The following ARHGAP6 variants were observed in gnomAD, a reference collection of about 807,000 sequenced individuals.
ARHGAP6 encodes the protein Rho GTPase activating protein 6.
ARHGAP6 carries 16 observed loss-of-function variants against 55.7 expected under a neutral mutation model. The observed-to-expected ratio is 0.29, with a 90% CI of 0.19 to 0.44. The LOEUF is 0.44. ARHGAP6 is among the 20% of genes least tolerant of loss of function. The probability of loss-of-function intolerance (pLI) is 1.00; values close to 1 mark genes in which losing one functional copy is unlikely to be tolerated. For synonymous variants in ARHGAP6, 382 were observed against 360.9 expected, an observed-to-expected ratio of 1.06 and a Z score of -0.66; for missense variants, 698 against 808.9, an observed-to-expected ratio of 0.86 and a Z score of 1.66.
At chrX:11,607,672 G>A (rs5978450) in intron 1 of ARHGAP6, among the ~76,000 whole-genome samples, 12,829 of 111,920 alleles carry the variant, frequency 0.11, 719 homozygotes, top group Middle Eastern at 0.22. Context: ...AGCCGTGAAG[G>A]AATGTAATCA....
chrX:11,203,568 AG>A (rs2046664006), intron 2 of ARHGAP6, among the ~76,000 whole-genome samples: 1 of 111,791 alleles, frequency 8.9e-6, no homozygotes, highest in African/African-American at 3.3e-5. Context: ...TTCACTCTCA[AG>A]GAGAGCCTGT....
intron 1 of ARHGAP6, among the ~76,000 whole-genome samples, chrX:11,564,571 T>A: frequency 9.0e-6 from 1 of 111,395 alleles, no homozygotes; most frequent in Non-Finnish European, 1.9e-5. Context: ...TAAAATTTCT[T>A]AACAAAACCT....
chrX:11,220,439 A>T (rs1387440768), intron 2 of ARHGAP6, among the ~76,000 whole-genome samples: 12 of 111,806 alleles, frequency 1.1e-4, no homozygotes, highest in African/African-American at 3.9e-4. Flanking sequence ...ATCTCTCGGC[A>T]GAAACCCTAC....
Position 11,176,109 on chromosome X carries a change from G to A in ARHGAP6, c.1629+1991C>T, listed in dbSNP as rs1316566187. Among the ~76,000 whole-genome samples the A allele has an allele frequency of 5.0e-5, 5 of 100,040 alleles. No individual in the cohort carries two copies. In the East Asian group the frequency reaches 1.3e-3, roughly 27 times the overall value. The allele number at this position is 100,040 out of a possible 115,157, so 86.9% of individuals were successfully genotyped here. On this transcript the variant is annotated intron_variant, in intron 8 of 12. Transcript: ENST00000337414. ...TGTGAAATGCACTAATATGCCACTC[G>A]TACAACCTTAAGTGGAAGCTCTCTG...
chrX:11,170,387 C>T (rs1054419875), intron 8 of ARHGAP6, among the ~76,000 whole-genome samples: 2 of 111,906 alleles, frequency 1.8e-5, no homozygotes, highest in East Asian at 2.8e-4. Flanking sequence ...ATCTAAAATA[C>T]GTCATGGAGC....
chrX:11,428,509 C>G (rs781688889), intron 1 of ARHGAP6, among the ~76,000 whole-genome samples: 20 of 112,387 alleles, frequency 1.8e-4, no homozygotes, highest in Admixed American at 1.6e-3. Flanking sequence ...TTACGTCCAG[C>G]CTCCCACAAG....
At chrX:11,442,014 T>C (rs769685700) in intron 1 of ARHGAP6, among the ~76,000 whole-genome samples, 1 of 111,706 alleles carries the variant, frequency 9.0e-6, no homozygotes, top group South Asian at 3.7e-4. Flanking sequence ...AAATGAAAGA[T>C]TCTGGATAAT....
At chrX:11,604,046 T>C (rs375263433) in intron 1 of ARHGAP6, among the ~76,000 whole-genome samples, 2 of 111,564 alleles carry the variant, frequency 1.8e-5, no homozygotes, top group African/African-American at 6.5e-5. Context: ...AGTAAGTACC[T>C]GGAGCATGCT....
chrX:11,464,155 A>C (rs755981640), intron 1 of ARHGAP6, among the ~76,000 whole-genome samples: 7 of 112,422 alleles, frequency 6.2e-5, no homozygotes, highest in Admixed American at 9.4e-5. Context: ...GATATAATAT[A>C]AGAAGCATGC....
At chrX:11,425,549 A>C (rs985245487) in intron 1 of ARHGAP6, among the ~76,000 whole-genome samples, 15 of 111,816 alleles carry the variant, frequency 1.3e-4, no homozygotes, top group Non-Finnish European at 1.9e-5. Flanking sequence ...CTGGAATCCC[A>C]ACAAATTCCC....
intron 1 of ARHGAP6, among the ~76,000 whole-genome samples, chrX:11,512,095 G>A (rs5933892): frequency 0.02 from 2,272 of 111,477 alleles, 28 homozygotes; most frequent in Middle Eastern, 0.07. Context: ...CAAAGTGCTG[G>A]GATTACAGGT....
At chrX:11,581,263 C>T (rs1306233410) in intron 1 of ARHGAP6, among the ~76,000 whole-genome samples, 1 of 111,547 alleles carries the variant, frequency 9.0e-6, no homozygotes, top group Admixed American at 9.5e-5. Flanking sequence ...TGGCTATAAA[C>T]AAAAACATAA....
intron 1 of ARHGAP6, among the ~76,000 whole-genome samples, chrX:11,590,443 T>C (rs2051791390): frequency 2.2e-5 from 2 of 89,777 alleles, no homozygotes; most frequent in African/African-American, 9.5e-5. Context: ...TTTTAAAAAT[T>C]GTTGAATTAT....
intron 1 of ARHGAP6, among the ~76,000 whole-genome samples, chrX:11,344,482 G>A (rs969677276): frequency 7.4e-5 from 8 of 108,786 alleles, no homozygotes; most frequent in African/African-American, 2.7e-4. Flanking sequence ...AGACCAGCCT[G>A]GCTAACATGG....
intron 1 of ARHGAP6, among the ~76,000 whole-genome samples, chrX:11,263,779 G>T (rs769029924): frequency 9.0e-6 from 1 of 111,679 alleles, no homozygotes; most frequent in East Asian, 2.8e-4. Context: ...TCCCAGTTTT[G>T]CCACTTACTA....
At position 11,138,927 on chromosome X, in the gene ARHGAP6, C is replaced by A; in HGVS notation, c.2861G>T (p.Arg954Leu). 1 of 1,188,880 alleles carries A rather than the reference C, an allele frequency of 8.4e-7. No homozygotes were observed. The highest frequency in any genetic ancestry group is 1.1e-6 in the Non-Finnish European group (1 of 887,755). The change falls in exon 13 of 13, where the codon CGC (arginine) becomes CTC (leucine). Residue 954 changes from arginine (R) to leucine (L), a missense_variant. Physicochemically the swap from Arg to Leu is moderately radical, Grantham distance 102. Around this residue, in one of 3 missense-constraint regions of ARHGAP6, gnomAD observed 212 missense variants for 208.7 expected, o/e 1.02. Transcript: ENST00000337414. ...CGACAGGAGCTCCCAGATCTGCCAG[C>A]GCTCTCTCTGCCAGTCGAGCCAGCC... is the stretch of plus-strand genomic sequence containing the variant. ...DAGWLDWQRERWQIWELLSTD... is the reference protein window; with the variant it reads ...DAGWLDWQRELWQIWELLSTD...
chrX:11,552,571 T>C (rs1313033971), intron 1 of ARHGAP6, among the ~76,000 whole-genome samples: 1 of 54,903 alleles, frequency 1.8e-5, no homozygotes, highest in East Asian at 4.8e-4. Context: ...TATATATATA[T>C]ATATATATAT....
intron 1 of ARHGAP6, among the ~76,000 whole-genome samples, chrX:11,354,327 C>CTCTCTATATATATATATA (rs1343744315): frequency 6.2e-5 from 2 of 32,348 alleles, no homozygotes; most frequent in African/African-American, 1.3e-4. Context: ...CTCTCTCTCT[C>CTCTCTATATATATATATA]TATATATATA....
chrX:11,315,138 A>G (rs978093589), intron 1 of ARHGAP6, among the ~76,000 whole-genome samples: 10 of 112,506 alleles, frequency 8.9e-5, no homozygotes, highest in African/African-American at 3.2e-4. Context: ...GGAAAAACAA[A>G]AGCAAGGTAA....
Sources: gnomAD v4.1 joint callset for allele counts (sites outside exome capture counted in the v4.1 genomes callset) on GRCh38, gnomAD v4.1.1 for gene constraint, gnomAD v4.1.1 regional missense constraint, MANE v1.5 for transcripts, NCBI Gene and HGNC (gene_info 2026-07-23, HGNC 2026-07-21) for gene names.